Variants in ASAP1 observed in about 807,000 individuals in gnomAD.
ASAP1 encodes ArfGAP with SH3 domain, ankyrin repeat and PH domain 1, also known as arf-GAP with SH3 domain, ANK repeat and PH domain-containing protein 1.
Under a neutral mutation model 145.2 loss-of-function variants are expected in ASAP1, and 43 were observed. The observed-to-expected ratio is 0.30, with a 90% CI of 0.23 to 0.38. The LOEUF (loss-of-function observed/expected upper bound fraction) is 0.38, where lower values mean the gene tolerates loss of function less well. Among genes scored for constraint, ASAP1 ranks in the 10% least tolerant of loss-of-function variants. The pLI, the probability that ASAP1 is intolerant of heterozygous loss-of-function variation, is 1.00. For synonymous variants in ASAP1, 546 were observed against 515.5 expected (o/e 1.06, Z -0.80); for missense variants, 1,018 against 1,355.3 (o/e 0.75, Z 3.91).
intron 3 of ASAP1, among the ~76,000 whole-genome samples, chr8:130,314,296 TGAG>T (rs1054869949): frequency 1.3e-5 from 2 of 152,138 alleles, no homozygotes; most frequent in East Asian, 1.9e-4. Flanking sequence ...ATTGAAATGA[TGAG>T]GAGGAGGAAG....
At chr8:130,227,107 C>A (rs1231959640) in intron 4 of ASAP1, among the ~76,000 whole-genome samples, 1 of 152,192 alleles carries the variant, frequency 6.6e-6, no homozygotes, top group Admixed American at 6.5e-5. Context: ...TGGGTACCAC[C>A]TTTAAGTCCT....
intron 18 of ASAP1, among the ~76,000 whole-genome samples, chr8:130,120,336 T>C (rs72722344): frequency 0.053 from 8,130 of 152,300 alleles, 285 homozygotes; most frequent in Middle Eastern, 0.078. Flanking sequence ...GACTTAAAAA[T>C]TAAATCGCTC....
At chr8:130,356,757 G>C (rs960249617) in intron 3 of ASAP1, among the ~76,000 whole-genome samples, 1 of 152,064 alleles carries the variant, frequency 6.6e-6, no homozygotes, top group Non-Finnish European at 1.5e-5. Context: ...CCTAAAATTT[G>C]GGATCCCTCT....
At chr8:130,295,261 CA>C (rs1822194438) in intron 3 of ASAP1, among the ~76,000 whole-genome samples, 1 of 152,084 alleles carries the variant, frequency 6.6e-6, no homozygotes. Flanking sequence ...CCAGCCTAGG[CA>C]ACAGAGCAAG....
chr8:130,117,155 C>G (rs1374538216), intron 20 of ASAP1, among the ~76,000 whole-genome samples, 160 bp from the exon 21 acceptor site: 2 of 152,144 alleles, frequency 1.3e-5, no homozygotes, highest in Non-Finnish European at 2.9e-5. Context: ...ATAAGCAATA[C>G]AGTGATAACA....
At chr8:130,160,688 T>A in intron 11 of ASAP1, 2 of 806,874 alleles carry the variant, frequency 2.5e-6, no homozygotes. Context: ...TACGAAAATG[T>A]AAGAAATAAA....
At chr8:130,121,783 T>TAAAA in intron 18 of ASAP1, among the ~76,000 whole-genome samples, 1 of 13,182 alleles carries the variant, frequency 7.6e-5, no homozygotes, top group Non-Finnish European at 1.4e-4. Flanking sequence ...AAATTCCATC[T>TAAAA]CAAAAAAAAA....
chr8:130,126,168 A>G (rs2097574672), intron 16 of ASAP1, 79 bp from the exon 17 acceptor site: 1 of 1,326,032 alleles, frequency 7.5e-7, no homozygotes, highest in Non-Finnish European at 1.0e-6. Context: ...AAGCTAAAAC[A>G]GTAGTACAAA....
At position 130,427,813 on chromosome 8, in the gene ASAP1, C is replaced by A. The variant is rs1405457120; in HGVS notation, c.-28+15647G>T. 2.0e-5 allele frequency: 3 copies of A among 152,232 alleles called. No individual in the cohort carries two copies. In the East Asian group the frequency reaches 5.8e-4, roughly 29 times the overall value. The allele number at this position is 152,232 out of a possible 1,614,324, so 9.4% of individuals were successfully genotyped here. A position where few individuals can be genotyped will look rare whatever the true frequency, so the allele number is the denominator to read the frequency against. On this transcript the variant is annotated intron_variant, in intron 1 of 29. Coordinates refer to ENST00000518721, the MANE Select transcript of ASAP1 (RefSeq NM_018482.4). ...CCTCTCAATGCAATGCACAGGGAGG[C>A]CAACACAACCTGGAGGTGAAGGAGG...
Position 130,214,710 on chromosome 8 carries a change from A to G in ASAP1, c.260-9T>C. ...TTCATTTTGTACATGATCTAAAAAC[A>G]AAAAAGAAGAAGAAAGGAGTCTGAA... On this transcript the variant is annotated splice_polypyrimidine_tract_variant and intron_variant, in intron 4 of 29. Transcript: ENST00000518721. The G allele has an allele frequency of 6.4e-7, 1 of 1,572,446 alleles. No individual in the cohort carries two copies.
rs1376764875 is a variant in ASAP1 at position 130,053,658 on chromosome 8, C to G, written c.*1073G>C. 6.6e-6 allele frequency: 1 copy of G among 152,168 alleles called. No homozygotes were observed. Among genetic ancestry groups the G allele is most frequent in the Non-Finnish European group, 1.5e-5 (1 of 68,024 alleles). The allele number at this position is 152,168 out of a possible 1,614,324, so 9.4% of individuals were successfully genotyped here. On this transcript the variant is annotated 3_prime_UTR_variant, in exon 30 of 30. Transcript: ENST00000518721. The stretch of plus-strand genomic sequence containing the variant: ...GTGAAGGGTTGACTTTTAAATTCAT[C>G]TTGAATAATCTTTTAAAAGTTTAAA...
At chr8:130,413,418 T>TGTGAA (rs1829347814) in intron 1 of ASAP1, among the ~76,000 whole-genome samples, 1 of 152,228 alleles carries the variant, frequency 6.6e-6, no homozygotes, top group Non-Finnish European at 1.5e-5. Context: ...CATTTTAGCA[T>TGTGAA]TTCTGAAACA....
chr8:130,289,061 C>T (rs151295555), intron 3 of ASAP1, among the ~76,000 whole-genome samples: 3,951 of 152,248 alleles, frequency 0.026, 63 homozygotes, highest in Middle Eastern at 0.044. Flanking sequence ...TGGCACACGC[C>T]TGTAGTCCCA....
In ASAP1 at chr8:130,325,684, A is replaced by T. The variant is rs562632954; in HGVS notation, c.186+32333T>A. On this transcript the variant is annotated intron_variant, in intron 3 of 29. Coordinates refer to ENST00000518721, the MANE Select transcript of ASAP1 (RefSeq NM_018482.4). ...CATACATAGAACAGAATGAAGTGTT[A>T]TAACTGTATTAATTACCACATGCTG... Among the ~76,000 whole-genome samples, 19 of 152,372 alleles carry T rather than the reference A, an allele frequency of 1.2e-4. No homozygotes were observed. The South Asian group carries it at 3.7e-3, about 30-fold the overall frequency.
intron 3 of ASAP1, among the ~76,000 whole-genome samples, chr8:130,250,838 A>G (rs577421179): frequency 6.6e-6 from 1 of 152,302 alleles, no homozygotes; most frequent in Non-Finnish European, 1.5e-5. Flanking sequence ...AGATGCTGGA[A>G]AGTATTCTGG....
intron 9 of ASAP1, among the ~76,000 whole-genome samples, chr8:130,171,095 A>G (rs901838651): frequency 2.0e-5 from 3 of 152,178 alleles, no homozygotes; most frequent in Non-Finnish European, 2.9e-5. Flanking sequence ...TAGAATTTTA[A>G]AAGTTTACGT....
chr8:130,221,940 C>T (rs1817316487), intron 4 of ASAP1, among the ~76,000 whole-genome samples: 1 of 152,166 alleles, frequency 6.6e-6, no homozygotes, highest in Admixed American at 6.5e-5. Flanking sequence ...ATACTGCATG[C>T]CAAGTGCCTC....
At chr8:130,337,710 T>A (rs779793260) in intron 3 of ASAP1, among the ~76,000 whole-genome samples, 10 of 152,228 alleles carry the variant, frequency 6.6e-5, no homozygotes, top group South Asian at 2.1e-4. Flanking sequence ...TCTGTTTTCA[T>A]GCATTTCTTT....
chr8:130,433,905 C>A (rs1830219623), intron 1 of ASAP1, among the ~76,000 whole-genome samples: 1 of 152,222 alleles, frequency 6.6e-6, no homozygotes, highest in Non-Finnish European at 1.5e-5. Flanking sequence ...AAAGCAGACT[C>A]TTCCAAGGCC....
Sources: allele counts gnomAD v4.1 joint callset (sites outside exome capture counted in the v4.1 genomes callset), GRCh38; gene constraint gnomAD v4.1.1; transcripts MANE v1.5; gene names NCBI Gene and HGNC (gene_info 2026-07-23, HGNC 2026-07-21).